The following MARCHF1 variants were observed in gnomAD, a reference collection of about 807,000 sequenced individuals.
The protein encoded by MARCHF1 is membrane associated ring-CH-type finger 1, also known as E3 ubiquitin-protein ligase MARCHF1.
Under a neutral mutation model 54.2 loss-of-function variants are expected in MARCHF1, and 40 were observed. The observed-to-expected ratio is 0.74, with a 90% CI of 0.57 to 0.96. The LOEUF (loss-of-function observed/expected upper bound fraction) is 0.96. MARCHF1 is among the 40% of genes least tolerant of loss of function. The pLI, the probability that MARCHF1 is intolerant of heterozygous loss-of-function variation, is 0.00. For missense variants in MARCHF1, 586 were observed against 656.5 expected (o/e 0.89, Z 1.17); for synonymous variants, 236 against 236.3 (o/e 1.00, Z 0.01).
At chr4:163,624,753 T>G (rs1741811726) in intron 5 of MARCHF1, among the ~76,000 whole-genome samples, 2 of 152,226 alleles carry the variant, frequency 1.3e-5, no homozygotes, top group African/African-American at 4.8e-5. Flanking sequence ...GTGTCCAACC[T>G]CAGTCTCACT....
At chr4:164,078,111 G>A (rs1464414611) in intron 2 of MARCHF1, among the ~76,000 whole-genome samples, 1 of 152,182 alleles carries the variant, frequency 6.6e-6, no homozygotes, top group African/African-American at 2.4e-5. Flanking sequence ...GTTCCCAATA[G>A]CAAAGACTTG....
chr4:163,647,069 A>G (rs1742788256), intron 5 of MARCHF1, among the ~76,000 whole-genome samples: 1 of 152,128 alleles, frequency 6.6e-6, no homozygotes, highest in Non-Finnish European at 1.5e-5. Context: ...ATGGGAAAAG[A>G]TATTCCATGC....
chr4:164,212,489 GT>G (rs1192545712), intron 1 of MARCHF1, among the ~76,000 whole-genome samples: 2 of 152,110 alleles, frequency 1.3e-5, no homozygotes, highest in Non-Finnish European at 2.9e-5. Context: ...ATTTTTTAAA[GT>G]ATATTTTCTG....
At chr4:163,637,454 A>G (rs1742379293) in intron 5 of MARCHF1, among the ~76,000 whole-genome samples, 1 of 152,252 alleles carries the variant, frequency 6.6e-6, no homozygotes, top group Admixed American at 6.5e-5. Flanking sequence ...ACACTTCTCA[A>G]AAGAAGACAT....
At chr4:163,596,532 T>C (rs1194567424) in intron 7 of MARCHF1, among the ~76,000 whole-genome samples, 1 of 99,642 alleles carries the variant, frequency 1.0e-5, no homozygotes, top group African/African-American at 4.2e-5. Context: ...AGTGTGAGGC[T>C]GTCTCAAAAA....
intron 8 of MARCHF1, among the ~76,000 whole-genome samples, chr4:163,583,007 G>A (rs778990443): frequency 3.9e-5 from 6 of 152,158 alleles, no homozygotes; most frequent in Non-Finnish European, 8.8e-5. Context: ...TATGCATCAT[G>A]GAGGGAGGAA....
At chr4:164,279,212 C>T (rs1430762106) in intron 1 of MARCHF1, among the ~76,000 whole-genome samples, 2 of 149,878 alleles carry the variant, frequency 1.3e-5, no homozygotes, top group Non-Finnish European at 3.0e-5. Context: ...TAATGGAAAA[C>T]AGAACAGAAC....
intron 6 of MARCHF1, 114 bp downstream of exon 6, chr4:163,613,200 T>G: frequency 7.6e-7 from 1 of 1,318,218 alleles, no homozygotes; most frequent in Admixed American, 2.8e-5. Flanking sequence ...CCAGTATAAA[T>G]TTTCTATGGA....
At chr4:164,120,732 C>T (rs1000025572) in intron 1 of MARCHF1, among the ~76,000 whole-genome samples, 11 of 151,978 alleles carry the variant, frequency 7.2e-5, no homozygotes, top group South Asian at 2.1e-4. Context: ...TCCCGAATGA[C>T]CAGTGGGTCA....
intron 3 of MARCHF1, among the ~76,000 whole-genome samples, chr4:163,896,433 T>C (rs1750807502): frequency 6.6e-6 from 1 of 152,194 alleles, no homozygotes; most frequent in Non-Finnish European, 1.5e-5. Context: ...ATGGTCAAAA[T>C]AAGGCATTCT....
At chr4:163,989,037 G>T (rs1348888594) in intron 2 of MARCHF1, 3 of 152,148 alleles carry the variant, frequency 2.0e-5, no homozygotes, top group Non-Finnish European at 4.4e-5. Context: ...TCCCACATTT[G>T]CAGCGGCTGC....
Position 163,525,548 on chromosome 4 carries a change from ATTTCTTTCTT to A in MARCHF1, c.*3190_*3199del, listed in dbSNP as rs1738072393. The A allele has an allele frequency of 6.6e-6, 1 of 152,160 alleles. No homozygotes were observed. Among genetic ancestry groups the A allele is most frequent in the East Asian group, 1.9e-4 (1 of 5,180 alleles). 9.4% of individuals were successfully genotyped at this position (152,160 alleles called of 1,614,324 possible). A position where few individuals can be genotyped will look rare whatever the true frequency, so the allele number is the denominator to read the frequency against. On this transcript the variant is annotated 3_prime_UTR_variant, in exon 10 of 10. Coordinates refer to ENST00000514618, the MANE Select transcript of MARCHF1 (RefSeq NM_001394959.1). ...GGGCTTTACTTTTTAAAAAATTGGA[ATTTCTTTCTT>A]TTACAATTTAATCTTTACTCCTGTA... is the stretch of plus-strand genomic sequence containing the variant.
At chr4:164,106,959 G>A (rs955977100) in intron 2 of MARCHF1, among the ~76,000 whole-genome samples, 1 of 152,014 alleles carries the variant, frequency 6.6e-6, no homozygotes, top group East Asian at 1.9e-4. Context: ...ATATGCAGAA[G>A]ATCTTTGCTA....
chr4:163,917,300 T>C (rs1448533414), intron 3 of MARCHF1, among the ~76,000 whole-genome samples: 1 of 152,174 alleles, frequency 6.6e-6, no homozygotes, highest in African/African-American at 2.4e-5. Context: ...GAAGTACATT[T>C]GGTTTTCTAA....
intron 1 of MARCHF1, among the ~76,000 whole-genome samples, chr4:164,301,776 A>T (rs1734567670): frequency 6.6e-6 from 1 of 152,232 alleles, no homozygotes; most frequent in Non-Finnish European, 1.5e-5. Flanking sequence ...GAGTGTATCA[A>T]AGTGGATGGA....
chr4:164,157,171 A>G (rs1377200624), intron 1 of MARCHF1, among the ~76,000 whole-genome samples: 1 of 151,606 alleles, frequency 6.6e-6, no homozygotes, highest in Non-Finnish European at 1.5e-5. Flanking sequence ...AATATTTACA[A>G]TATTAAAAGA....
intron 1 of MARCHF1, among the ~76,000 whole-genome samples, chr4:164,276,969 C>G (rs72989548): frequency 0.42 from 51,198 of 123,062 alleles, 10,199 homozygotes; most frequent in Non-Finnish European, 0.44. Flanking sequence ...GAGAGAGAGA[C>G]AGAGAGAGAG....
At chr4:164,059,720 A>C (rs1403402260) in intron 2 of MARCHF1, among the ~76,000 whole-genome samples, 3 of 152,146 alleles carry the variant, frequency 2.0e-5, no homozygotes, top group African/African-American at 7.2e-5. Flanking sequence ...TTTTTTTAAA[A>C]TTCTTATTAA....
chr4:164,081,022 C>T (rs1250488304), intron 2 of MARCHF1, among the ~76,000 whole-genome samples: 11 of 149,342 alleles, frequency 7.4e-5, no homozygotes, highest in Non-Finnish European at 7.4e-5. Context: ...TCCTGGCTAA[C>T]ACAGTGAAAC....
Sources: gnomAD v4.1 joint callset for allele counts (sites outside exome capture counted in the v4.1 genomes callset) on GRCh38, gnomAD v4.1.1 for gene constraint, MANE v1.5 for transcripts, NCBI Gene and HGNC (gene_info 2026-07-23, HGNC 2026-07-21) for gene names.